ANLN: variants seen among roughly 807,000 people sequenced by gnomAD.
The protein encoded by ANLN is anillin.
ANLN carries 59 observed loss-of-function variants against 135.1 expected under a neutral mutation model. That is an observed-to-expected ratio of 0.44 (90% CI 0.35 to 0.54). The LOEUF is 0.54. Ranked by LOEUF, ANLN falls within the 20% of genes least tolerant of loss-of-function variation. The pLI is 0.00. For missense variants in ANLN, 1,182 were observed against 1,340.0 expected (o/e 0.88, Z 1.84); for synonymous variants, 406 against 456.4 (o/e 0.89, Z 1.41).
At chr7:36,443,250 A>G (rs1788852324) in intron 21 of ANLN, among the ~76,000 whole-genome samples, 2 of 152,212 alleles carry the variant, frequency 1.3e-5, no homozygotes, top group South Asian at 2.1e-4. Flanking sequence ...GATGTTTATC[A>G]TGGTTATTGA....
intron 20 of ANLN, among the ~76,000 whole-genome samples, chr7:36,435,567 C>T (rs571877465): frequency 1.3e-5 from 2 of 152,090 alleles, no homozygotes; most frequent in East Asian, 3.9e-4. Flanking sequence ...TTTTGCTCAG[C>T]GTGATGTTTT....
At chr7:36,412,852 C>T (rs76931069) in intron 7 of ANLN, among the ~76,000 whole-genome samples, 13,151 of 152,214 alleles carry the variant, frequency 0.086, 695 homozygotes, top group Admixed American at 0.14. Context: ...ATCTCTCTGC[C>T]TTTGCCTTCT....
At chr7:36,445,100 A>G (rs1323650222) in intron 22 of ANLN, among the ~76,000 whole-genome samples, 1 of 150,162 alleles carries the variant, frequency 6.7e-6, no homozygotes, top group Admixed American at 6.6e-5. Context: ...TTTTTATTAT[A>G]CAGATTGAAT....
chr7:36,451,439 C>T (rs1456005955), intron 23 of ANLN, among the ~76,000 whole-genome samples: 8 of 152,192 alleles, frequency 5.3e-5, no homozygotes, highest in Non-Finnish European at 1.0e-4. Context: ...GTAACCATGG[C>T]AGGTCACTTA....
intron 23 of ANLN, among the ~76,000 whole-genome samples, chr7:36,451,598 A>G (rs1789246880): frequency 6.6e-6 from 1 of 152,262 alleles, no homozygotes; most frequent in African/African-American, 2.4e-5. Flanking sequence ...AAACACACTT[A>G]GCACAGTTTC....
intron 1 of ANLN, among the ~76,000 whole-genome samples, chr7:36,392,556 G>C (rs1245727038): frequency 6.8e-6 from 1 of 146,002 alleles, no homozygotes; most frequent in African/African-American, 2.5e-5. Flanking sequence ...AGAAAGGTGT[G>C]ATATTTCAAG....
Position 36,402,132 on chromosome 7 carries a change from G to A in ANLN, c.487+2739G>A, listed in dbSNP as rs1205487642. Among the ~76,000 whole-genome samples the A allele has an allele frequency of 4.3e-5, 4 of 93,438 alleles. 1 individual carries two copies. The highest frequency in any genetic ancestry group is 0.012 in the Middle Eastern group (2 of 172). The allele number at this position is 93,438 out of a possible 152,430, so 61.3% of individuals were successfully genotyped here. A position where few individuals can be genotyped will look rare whatever the true frequency, so the allele number is the denominator to read the frequency against. Reference sequence around the variant, plus strand: ...AAGCTATTTTTTTTTTTTTTTTTGAGGTGGAGTCTTGCTGTGTTTCCCAGG... The same window carrying A: ...AAGCTATTTTTTTTTTTTTTTTTGAAGTGGAGTCTTGCTGTGTTTCCCAGG... On this transcript the variant is annotated intron_variant, in intron 3 of 23. Coordinates refer to ENST00000265748, the MANE Select transcript of ANLN (RefSeq NM_018685.5).
At chr7:36,403,046 G>A (rs1009974503) in intron 3 of ANLN, among the ~76,000 whole-genome samples, 2 of 152,154 alleles carry the variant, frequency 1.3e-5, no homozygotes, top group Admixed American at 1.3e-4. Flanking sequence ...GAACCCGGGA[G>A]GCGGAGGTTG....
intron 22 of ANLN, 129 bp from the exon 23 acceptor site, chr7:36,449,536 T>C (rs2116834288): frequency 3.0e-6 from 2 of 677,948 alleles, no homozygotes; most frequent in East Asian, 2.9e-5. Context: ...CTAAGCCCAG[T>C]GTAACTAAAT....
intron 21 of ANLN, among the ~76,000 whole-genome samples, chr7:36,440,424 G>A (rs1349073536): frequency 1.3e-5 from 2 of 152,220 alleles, no homozygotes; most frequent in African/African-American, 4.8e-5. Context: ...GCAGATGCTA[G>A]ACTGCAAATG....
At position 36,406,341 on chromosome 7, in the gene ANLN, A is replaced by G. The variant is rs1787187414; in HGVS notation, c.648A>G (p.Val216=). The G allele has an allele frequency of 6.2e-7, 1 of 1,614,102 alleles. No homozygotes were observed. The highest frequency in any genetic ancestry group is 1.3e-5 in the African/African-American group (1 of 74,962). Residue 216 remains valine, a synonymous_variant, in exon 4 of 24, where the codon GTA becomes GTG. Coordinates refer to ENST00000265748, the MANE Select transcript of ANLN (RefSeq NM_018685.5). ...CTATTTGCTCCTGGGAAGATGATGT[A>G]AATCACTCATTTGCAAAACAAAACA... ...AATICSWEDD[V]NHSFAKQNSV...
chr7:36,411,751 T>C (rs3801314), intron 7 of ANLN, among the ~76,000 whole-genome samples: 59,537 of 152,160 alleles, frequency 0.39, 11,920 homozygotes, highest in East Asian at 0.59. Flanking sequence ...GTAAATTTAA[T>C]CAGTATTCTT....
At position 36,415,828 on chromosome 7, in the gene ANLN, C is replaced by T. The variant is rs375102020; in HGVS notation, c.1466C>T (p.Thr489Ile). The T allele has an allele frequency of 6.2e-6, 10 of 1,610,072 alleles. No homozygotes were observed. In the African/African-American group the frequency reaches 1.1e-4, roughly 17 times the overall value. ...TCAAAAACTCAGTCACTTCCAGTAACAGAAAAGGTGACCGAAAACCAGATA... is the reference window on the plus strand; with the variant it reads ...TCAAAAACTCAGTCACTTCCAGTAATAGAAAAGGTGACCGAAAACCAGATA... Reference protein sequence around the residue: ...GVSKTQSLPVTEKVTENQIPA... With the variant: ...GVSKTQSLPVIEKVTENQIPA... The change falls in exon 8 of 24, where the codon ACA becomes ATA. Residue 489 changes from threonine to isoleucine, a missense_variant. Thr to Ile is a moderately conservative substitution (Grantham distance 89). Around this residue, in one of 3 missense-constraint regions of ANLN, gnomAD observed 1,022 missense variants for 1,134.0 expected, o/e 0.90. Coordinates refer to ENST00000265748, the MANE Select transcript of ANLN (RefSeq NM_018685.5).
At chr7:36,405,571 C>T (rs1787153104) in intron 3 of ANLN, among the ~76,000 whole-genome samples, 1 of 152,172 alleles carries the variant, frequency 6.6e-6, no homozygotes, top group Non-Finnish European at 1.5e-5. Flanking sequence ...GAATCTTCGT[C>T]AGTTAAATAT....
At chr7:36,430,426 A>T (rs1197171703) in intron 20 of ANLN, among the ~76,000 whole-genome samples, 1 of 152,188 alleles carries the variant, frequency 6.6e-6, no homozygotes, top group Non-Finnish European at 1.5e-5. Context: ...GCATCCTGGA[A>T]TTTAAATTAC....
intron 22 of ANLN, among the ~76,000 whole-genome samples, chr7:36,445,161 C>CTTTTTTTTT (rs70977145): frequency 3.5e-5 from 2 of 57,824 alleles, no homozygotes; most frequent in Non-Finnish European, 6.3e-5. Flanking sequence ...ATTTGGGATT[C>CTTTTTTTTT]TTTTTTTTTT....
rs145398377 is a variant in ANLN, at chr7:36,393,057, G to A, written c.18+3013G>A. Among the ~76,000 whole-genome samples, 432 of 149,690 alleles carry A rather than the reference G, an allele frequency of 2.9e-3. 5 individuals carry two copies. The highest frequency in any genetic ancestry group is 0.012 in the South Asian group (57 of 4,706). ...GTTTTTTTTTTTGAGTCAGAGTCTCGTTCTCGCCCAGACTGGAGCTCAATG... is the reference window on the plus strand; with the variant it reads ...GTTTTTTTTTTTGAGTCAGAGTCTCATTCTCGCCCAGACTGGAGCTCAATG... On this transcript the variant is annotated intron_variant, in intron 1 of 23. Coordinates refer to ENST00000265748, the MANE Select transcript of ANLN (RefSeq NM_018685.5).
At chr7:36,393,749 A>C (rs761089082) in intron 1 of ANLN, among the ~76,000 whole-genome samples, 3 of 152,198 alleles carry the variant, frequency 2.0e-5, no homozygotes, top group African/African-American at 7.2e-5. Context: ...CTCTTGTCCA[A>C]TTAAAGCTGT....
At chr7:36,413,345 G>A (rs1787506550) in intron 7 of ANLN, among the ~76,000 whole-genome samples, 1 of 152,040 alleles carries the variant, frequency 6.6e-6, no homozygotes, top group African/African-American at 2.4e-5. Flanking sequence ...CCACGACTCA[G>A]TATCCTAATC....
Sources: gnomAD v4.1 joint callset for allele counts (sites outside exome capture counted in the v4.1 genomes callset) on GRCh38, gnomAD v4.1.1 for gene constraint, gnomAD v4.1.1 regional missense constraint, MANE v1.5 for transcripts, NCBI Gene and HGNC (gene_info 2026-07-23, HGNC 2026-07-21) for gene names.